The following ADRA1B variants were observed in gnomAD, a reference collection of about 807,000 sequenced individuals.
ADRA1B encodes the protein adrenoceptor alpha 1B.
In ADRA1B, 17 loss-of-function variants were observed where a neutral mutation model predicts 17.9. The ratio of observed to expected loss-of-function variants is 0.95; its 90% confidence interval spans 0.65 to 1.42. ADRA1B has a LOEUF of 1.42. ADRA1B is among the 40% of genes most tolerant of loss of function. The pLI, the probability that ADRA1B is intolerant of heterozygous loss-of-function variation, is 0.00. For synonymous variants in ADRA1B, 366 were observed against 327.6 expected, an observed-to-expected ratio of 1.12 and a Z score of -1.27; for missense variants, 681 against 722.1, an observed-to-expected ratio of 0.94 and a Z score of 0.65.
intron 1 of ADRA1B, among the ~76,000 whole-genome samples, chr5:159,908,146 C>T (rs1754182935): frequency 6.6e-6 from 1 of 152,136 alleles, no homozygotes; most frequent in South Asian, 2.1e-4. Flanking sequence ...ATCCTCAGAC[C>T]TCACCATGGA....
At chr5:159,892,024 G>A (rs1753988353) in intron 1 of ADRA1B, among the ~76,000 whole-genome samples, 2 of 152,202 alleles carry the variant, frequency 1.3e-5, no homozygotes, top group African/African-American at 4.8e-5. Flanking sequence ...AGATCACGAG[G>A]TCAGGAGTTG....
the ADRA1B span, among the ~76,000 whole-genome samples, chr5:159,987,905 T>C: frequency 6.6e-6 from 1 of 152,254 alleles, no homozygotes; most frequent in African/African-American, 2.4e-5. Flanking sequence ...TTTGTAGTCT[T>C]TGTGGTAGGC....
At chr5:159,914,384 G>A (rs918413161), upstream of ADRA1B, among the ~76,000 whole-genome samples, 9 of 152,068 alleles carry the variant, frequency 5.9e-5, no homozygotes, top group African/African-American at 2.2e-4. Context: ...TGACCATCTT[G>A]CCAAGTCTCT....
At position 159,971,383 on chromosome 5, in the gene ADRA1B, A is replaced by G. The variant is rs73317425; in HGVS notation, c.950-496A>G. ...CCCTAGATCAAAAAAATAGTCTTTTATGTTGTTCTCTTTTACCTTTAAAAC... is the reference window on the plus strand; with the variant it reads ...CCCTAGATCAAAAAAATAGTCTTTTGTGTTGTTCTCTTTTACCTTTAAAAC... On this transcript the variant is annotated intron_variant, in intron 1 of 1. Coordinates refer to ENST00000306675, the MANE Select transcript of ADRA1B (RefSeq NM_000679.4). 4.3e-3 allele frequency among the ~76,000 whole-genome samples: 656 copies of G among 152,236 alleles called. 7 individuals are homozygous for G. Among genetic ancestry groups the G allele is most frequent in the African/African-American group, 0.015 (635 of 41,544 alleles).
chr5:159,871,580 A>G (rs1369604657), intron 1 of ADRA1B, among the ~76,000 whole-genome samples: 2 of 152,000 alleles, frequency 1.3e-5, no homozygotes, highest in African/African-American at 2.4e-5. Flanking sequence ...CTTTTATTTT[A>G]TAAGGACAAC....
Position 159,971,940 on chromosome 5 carries a change from C to T in ADRA1B, c.1011C>T (p.Gly337=). Residue 337 remains glycine (G), a synonymous_variant, in exon 2 of 2, where the codon GGC becomes GGT. Transcript: ENST00000306675. ...TGTTCAAGGTGGTGTTCTGGCTGGG[C>T]TACTTCAACAGCTGCCTCAACCCCA... ...DAVFKVVFWL[G]YFNSCLNPII... is the part of the protein sequence containing the mutation. 7.3e-7 allele frequency: 1 copy of T among 1,371,648 alleles called. No individual in the cohort carries two copies. The allele number at this position is 1,371,648 out of a possible 1,614,324, so 85.0% of individuals were successfully genotyped here. A position where few individuals can be genotyped will look rare whatever the true frequency, so the allele number is the denominator to read the frequency against.
At chr5:159,945,113 C>T (rs1476880809) in intron 1 of ADRA1B, among the ~76,000 whole-genome samples, 4 of 152,142 alleles carry the variant, frequency 2.6e-5, no homozygotes, top group Non-Finnish European at 5.9e-5. Flanking sequence ...GGTGCGGTGG[C>T]TCACGCCTAT....
At chr5:159,956,828 T>A (rs987298239) in intron 1 of ADRA1B, among the ~76,000 whole-genome samples, 13 of 152,230 alleles carry the variant, frequency 8.5e-5, no homozygotes, top group Non-Finnish European at 1.8e-4. Flanking sequence ...GCATAAGCAC[T>A]TTTTAAAATA....
chr5:159,953,812 G>A (rs375828228), intron 1 of ADRA1B, among the ~76,000 whole-genome samples: 128 of 152,208 alleles, frequency 8.4e-4, no homozygotes, highest in Middle Eastern at 3.4e-3. Context: ...AGCAAAGCTC[G>A]GGGACCTCCT....
At chr5:159,920,816 T>C (rs1754457296) in intron 1 of ADRA1B, among the ~76,000 whole-genome samples, 1 of 152,234 alleles carries the variant, frequency 6.6e-6, no homozygotes, top group Non-Finnish European at 1.5e-5. Flanking sequence ...GAACAATAAC[T>C]TCTTTGGAAT....
At chr5:159,984,638 C>T in the ADRA1B span, among the ~76,000 whole-genome samples, 7 of 152,024 alleles carry the variant, frequency 4.6e-5, no homozygotes, top group Non-Finnish European at 1.5e-5. Context: ...TAGCTCACGC[C>T]TGTAATCCTA....
chr5:159,899,826 A>G (rs1221774696), intron 1 of ADRA1B, among the ~76,000 whole-genome samples: 2 of 152,200 alleles, frequency 1.3e-5, no homozygotes, highest in Non-Finnish European at 2.9e-5. Context: ...GTCCTCAGGC[A>G]AGATCTTTCT....
chr5:159,986,314 A>G, the ADRA1B span, among the ~76,000 whole-genome samples: 1 of 152,198 alleles, frequency 6.6e-6, no homozygotes, highest in Non-Finnish European at 1.5e-5. Flanking sequence ...GCATATCTCA[A>G]ACTACTGGCC....
chr5:159,899,801 A>G (rs114758842), intron 1 of ADRA1B, among the ~76,000 whole-genome samples: 6,007 of 152,288 alleles, frequency 0.039, 171 homozygotes, highest in Middle Eastern at 0.082. Flanking sequence ...TGGCCCTGCT[A>G]TTAATGTGTT....
chr5:159,971,175 A>G (rs1032468980), intron 1 of ADRA1B, among the ~76,000 whole-genome samples: 3 of 152,008 alleles, frequency 2.0e-5, no homozygotes, highest in African/African-American at 7.3e-5. Context: ...TGCGTTTCCT[A>G]TTTTGTAAAT....
At chr5:159,886,279 T>C (rs1753921974) in intron 1 of ADRA1B, among the ~76,000 whole-genome samples, 1 of 152,210 alleles carries the variant, frequency 6.6e-6, no homozygotes, top group Non-Finnish European at 1.5e-5. Flanking sequence ...TGTTTGTCTA[T>C]GCTCATCTCC....
upstream of ADRA1B, among the ~76,000 whole-genome samples, chr5:159,914,617 T>A (rs1451911488): frequency 1.3e-5 from 2 of 152,234 alleles, no homozygotes; most frequent in Admixed American, 1.3e-4. Context: ...ATTTTGCACA[T>A]GTGTGGAGTC....
At chr5:159,897,020 C>T (rs1415473749) in intron 1 of ADRA1B, among the ~76,000 whole-genome samples, 1 of 152,172 alleles carries the variant, frequency 6.6e-6, no homozygotes, top group African/African-American at 2.4e-5. Context: ...CCCAGCAATC[C>T]TTTGGGGCCT....
In ADRA1B at chr5:159,916,866, A is replaced by G; in HGVS notation, c.-40A>G. 8 of 1,558,506 alleles carry G rather than the reference A, an allele frequency of 5.1e-6. No homozygotes were observed. The highest frequency in any genetic ancestry group is 7.0e-6 in the Non-Finnish European group (8 of 1,148,582). ...AGGAGCCTTCGCCGCAGCCCTTCCG[A>G]GCCCAATCATCCCCCTGGCTATGGA... is the stretch of plus-strand genomic sequence containing the variant. On this transcript the variant is annotated 5_prime_UTR_variant, in exon 1 of 2. Transcript: ENST00000306675.
Sources: gnomAD v4.1 joint callset for allele counts (sites outside exome capture counted in the v4.1 genomes callset) on GRCh38, gnomAD v4.1.1 for gene constraint, MANE v1.5 for transcripts, NCBI Gene and HGNC (gene_info 2026-07-23, HGNC 2026-07-21) for gene names.